DRC1: variants seen among roughly 807,000 people sequenced by gnomAD.
The protein encoded by DRC1 is dynein regulatory complex subunit 1, also known as dynein regulatory complex protein 1.
DRC1 carries 74 observed loss-of-function variants against 98.7 expected under a neutral mutation model. That is an observed-to-expected ratio of 0.75 (90% CI 0.62 to 0.91). DRC1 has a LOEUF of 0.91. DRC1 is among the 40% of genes least tolerant of loss of function. The pLI is 0.00. For missense variants in DRC1, 875 were observed against 886.0 expected (o/e 0.99, Z 0.16); for synonymous variants, 336 against 334.1 (o/e 1.01, Z -0.06).
intron 1 of DRC1, among the ~76,000 whole-genome samples, chr2:26,406,234 C>T (rs1678422003): frequency 6.6e-6 from 1 of 152,182 alleles, no homozygotes. Context: ...TATTTTACTA[C>T]TGACATTGTT....
chr2:26,443,526 T>C (rs1045980845), intron 8 of DRC1, among the ~76,000 whole-genome samples: 1 of 152,184 alleles, frequency 6.6e-6, no homozygotes, highest in Non-Finnish European at 1.5e-5. Context: ...CCTGGCACCC[T>C]GCATAAAACT....
chr2:26,451,108 T>C (rs1012026744), intron 13 of DRC1, among the ~76,000 whole-genome samples: 2 of 152,206 alleles, frequency 1.3e-5, no homozygotes, highest in Non-Finnish European at 2.9e-5. Context: ...TCTGGAGAAA[T>C]AGCGGGGCTT....
At position 26,453,357 on chromosome 2, in the gene DRC1, G is replaced by A. The variant is rs1664055850; in HGVS notation, c.1727G>A (p.Ser576Asn). 1 of 1,614,098 alleles carries A rather than the reference G, an allele frequency of 6.2e-7. No individual in the cohort carries two copies. The highest frequency in any genetic ancestry group is 8.5e-7 in the Non-Finnish European group (1 of 1,180,050). ...AGTCAGGCGAGCATGGAGAAGGCGA[G>A]CATGGAGGAGACAAGCACGAGGTCA... Reference protein sequence around the residue: ...PCSQASMEKASMEETSTRSEL... With the variant: ...PCSQASMEKANMEETSTRSEL... Residue 576 changes from serine to asparagine, a missense_variant, in exon 14 of 17, where the codon AGC (serine) becomes AAC (asparagine). Coordinates refer to ENST00000288710, the MANE Select transcript of DRC1 (RefSeq NM_145038.5).
At chr2:26,412,599 C>A (rs1470750868) in intron 1 of DRC1, among the ~76,000 whole-genome samples, 1 of 152,110 alleles carries the variant, frequency 6.6e-6, no homozygotes, top group African/African-American at 2.4e-5. Context: ...GTCTCATTTT[C>A]TGATTCACAC....
intron 4 of DRC1, among the ~76,000 whole-genome samples, chr2:26,424,832 A>G (rs2147987733): frequency 6.6e-6 from 1 of 152,238 alleles, no homozygotes; most frequent in Middle Eastern, 3.4e-3. Context: ...CATACCTGTA[A>G]TCTCAGCTAC....
chr2:26,451,794 A>C lies in DRC1; in HGVS notation c.1689+1113A>C, dbSNP rs953499340. ...GCTATATTTGACTACAGAATTTAAAAACAATTCTGTAGTGCAAAAATCATG... is the reference window on the plus strand; with the variant it reads ...GCTATATTTGACTACAGAATTTAAACACAATTCTGTAGTGCAAAAATCATG... On this transcript the variant is annotated intron_variant, in intron 13 of 16. Coordinates refer to ENST00000288710, the MANE Select transcript of DRC1 (RefSeq NM_145038.5). Among the ~76,000 whole-genome samples, 8 of 152,218 alleles carry C rather than the reference A, an allele frequency of 5.3e-5. No individual in the cohort carries two copies. In the East Asian group the frequency reaches 1.5e-3, roughly 29 times the overall value.
intron 1 of DRC1, among the ~76,000 whole-genome samples, chr2:26,410,515 A>C (rs1009849982): frequency 6.6e-6 from 1 of 151,570 alleles, no homozygotes; most frequent in Admixed American, 6.6e-5. Flanking sequence ...CAGGTGATCC[A>C]CCCGCCTTGG....
chr2:26,428,645 A>G (rs1480499071), intron 4 of DRC1, among the ~76,000 whole-genome samples: 1 of 152,150 alleles, frequency 6.6e-6, no homozygotes, highest in Non-Finnish European at 1.5e-5. Flanking sequence ...AAAAATACAA[A>G]AAATTAGCCA....
chr2:26,423,598 C>T (rs1431064750), intron 3 of DRC1, among the ~76,000 whole-genome samples: 1 of 152,228 alleles, frequency 6.6e-6, no homozygotes, highest in Admixed American at 6.5e-5. Context: ...TTCCATCACT[C>T]ATTGGTGGAG....
rs760514319 is a variant in DRC1 at position 26,402,073 on chromosome 2, C to T, written c.84C>T (p.His28=). The part of the protein sequence containing the change: ...LSTQILAPSV[H]SDNSQERIQA... ...CCCAGATTCTCGCGCCCTCGGTCCA[C>T]TCCGACAACTCTCAGGAGCGCATCC... The change falls in exon 1 of 17, where the codon CAC becomes CAT. Residue 28 remains histidine, a synonymous_variant. Transcript: ENST00000288710. 1.2e-6 allele frequency: 2 copies of T among 1,613,306 alleles called. No homozygotes were observed. Among genetic ancestry groups the T allele is most frequent in the East Asian group, 2.2e-5 (1 of 44,840 alleles).
At chr2:26,442,985 T>C (rs10865412) in intron 8 of DRC1, among the ~76,000 whole-genome samples, 91,264 of 152,100 alleles carry the variant, frequency 0.6, 31,064 homozygotes, top group Non-Finnish European at 0.76. Context: ...AAAAACACTT[T>C]GGAATGACTA....
At position 26,424,335 on chromosome 2, in the gene DRC1, T is replaced by G. The variant is rs139583194; in HGVS notation, c.421T>G (p.Trp141Gly). The G allele has an allele frequency of 4.0e-4, 644 of 1,613,342 alleles. No individual in the cohort carries two copies. Among genetic ancestry groups the G allele is most frequent in the South Asian group, 6.8e-4 (62 of 91,042 alleles). Residue 141 changes from tryptophan (W) to glycine (G), a missense_variant, in exon 4 of 17, where the codon TGG becomes GGG. Physicochemically the swap from Trp to Gly is radical, Grantham distance 184. Coordinates refer to ENST00000288710, the MANE Select transcript of DRC1 (RefSeq NM_145038.5). ...QDKFDEITSK[W>G]EEGKQKRIPQ... is the part of the protein sequence containing the mutation. Reference sequence around the variant, plus strand: ...CAAATTCGATGAAATCACCTCAAAGTGGGAAGAGGGCAAGCAGAAGAGAAT... The same window carrying G: ...CAAATTCGATGAAATCACCTCAAAGGGGGAAGAGGGCAAGCAGAAGAGAAT...
chr2:26,452,006 T>C (rs189809406), intron 13 of DRC1, among the ~76,000 whole-genome samples: 5 of 151,930 alleles, frequency 3.3e-5, no homozygotes, highest in Admixed American at 2.6e-4. Context: ...CTCTTAAACA[T>C]ATGAAAAGAC....
chr2:26,454,648 G>T lies in DRC1; in HGVS notation c.1921G>T (p.Asp641Tyr). Reference protein sequence around the residue: ...AFVMGLKKPRDSRAPLRVQKN... With the variant: ...AFVMGLKKPRYSRAPLRVQKN... ...AATCACTGTGCTCTTGGCCTTCAGG[G>T]ACTCGCGGGCCCCGCTGAGGGTACA... The change falls in exon 15 of 17, where the codon GAC becomes TAC. Residue 641 changes from aspartate (D) to tyrosine (Y), a missense_variant and splice_region_variant. Asp to Tyr is a radical substitution (Grantham distance 160). Transcript: ENST00000288710. This position sits in a 1 kb window ranked among gnomAD's most constrained non-coding sequence, Gnocchi z 5.2. The T allele has an allele frequency of 6.2e-7, 1 of 1,614,062 alleles. No individual in the cohort carries two copies. The highest frequency in any genetic ancestry group is 1.6e-4 in the Middle Eastern group (1 of 6,062).
intron 7 of DRC1, among the ~76,000 whole-genome samples, chr2:26,433,083 G>A (rs1035538134): frequency 2.0e-5 from 3 of 152,196 alleles, no homozygotes; most frequent in Non-Finnish European, 4.4e-5. Context: ...AATATGCAAA[G>A]GCTGAATGAC....
At chr2:26,430,912 G>T in intron 6 of DRC1, 40 bp downstream of exon 6, 1 of 1,554,100 alleles carries the variant, frequency 6.4e-7, no homozygotes, top group South Asian at 1.2e-5. Flanking sequence ...CGTGGGGTCT[G>T]GGTGATTTTT....
At chr2:26,416,521 G>A (rs372838099) in intron 2 of DRC1, among the ~76,000 whole-genome samples, 2 of 152,060 alleles carry the variant, frequency 1.3e-5, no homozygotes, top group African/African-American at 2.4e-5. Flanking sequence ...GTCTTCTATC[G>A]TTTCTTCTAG....
chr2:26,430,635 G>A, intron 5 of DRC1, 151 bp from the exon 6 acceptor site: 1 of 800,484 alleles, frequency 1.2e-6, no homozygotes, highest in Non-Finnish European at 2.3e-6. Flanking sequence ...TAGCCATTTG[G>A]TCTTATGAAA....
intron 2 of DRC1, among the ~76,000 whole-genome samples, chr2:26,416,002 A>AT (rs1200558743): frequency 5.3e-5 from 8 of 151,646 alleles, no homozygotes; most frequent in Non-Finnish European, 1.2e-4. Context: ...AGGATATTAG[A>AT]TTTTTTAAAA....
Sources: gnomAD v4.1 joint callset for allele counts (sites outside exome capture counted in the v4.1 genomes callset) on GRCh38, gnomAD v4.1.1 for gene constraint, Gnocchi (gnomAD v3.1) non-coding constraint, MANE v1.5 for transcripts, NCBI Gene and HGNC (gene_info 2026-07-23, HGNC 2026-07-21) for gene names.